Variants in ESRRG observed in about 807,000 individuals in gnomAD.
ESRRG encodes estrogen related receptor gamma, also known as estrogen-related receptor gamma.
Under a neutral mutation model 44.0 loss-of-function variants are expected in ESRRG, and 13 were observed. The observed-to-expected ratio is 0.30, with a 90% CI of 0.19 to 0.47. ESRRG has a LOEUF of 0.47. Ranked by LOEUF, ESRRG falls within the 20% of genes least tolerant of loss-of-function variation. The pLI, the probability that ESRRG is intolerant of heterozygous loss-of-function variation, is 1.00. For missense variants in ESRRG, 395 were observed against 580.6 expected (o/e 0.68, Z 3.29); for synonymous variants, 215 against 214.6 (o/e 1.00, Z -0.02).
intron 3 of ESRRG, among the ~76,000 whole-genome samples, chr1:216,643,670 A>G (rs554349889): frequency 6.6e-6 from 1 of 152,152 alleles, no homozygotes; most frequent in African/African-American, 2.4e-5. Flanking sequence ...GTTATCCCAT[A>G]AAGACTTTTC....
chr1:216,653,791 G>C (rs1449319170), intron 2 of ESRRG, among the ~76,000 whole-genome samples: 1 of 151,988 alleles, frequency 6.6e-6, no homozygotes, highest in African/African-American at 2.4e-5. Flanking sequence ...TAAGACACTA[G>C]AGGACAATGG....
chr1:216,952,678 G>A (rs1218064786), intron 1 of ESRRG, among the ~76,000 whole-genome samples: 1 of 151,980 alleles, frequency 6.6e-6, no homozygotes, highest in Non-Finnish European at 1.5e-5. Flanking sequence ...TAGCAAAATT[G>A]GTTAAAAATA....
intron 3 of ESRRG, among the ~76,000 whole-genome samples, chr1:216,591,135 G>C (rs1358132046): frequency 1.3e-5 from 2 of 152,146 alleles, no homozygotes; most frequent in African/African-American, 4.8e-5. Flanking sequence ...CTGGTCACCA[G>C]AAATACCAAG....
At chr1:216,870,230 A>G (rs1235355657) in intron 2 of ESRRG, among the ~76,000 whole-genome samples, 7 of 150,460 alleles carry the variant, frequency 4.7e-5, no homozygotes, top group Admixed American at 6.6e-5. Context: ...TTCTGCATCA[A>G]TTGACATAAA....
intron 1 of ESRRG, among the ~76,000 whole-genome samples, chr1:217,135,443 G>C (rs1200340431): frequency 2.0e-5 from 3 of 152,162 alleles, no homozygotes; most frequent in Non-Finnish European, 2.9e-5. Flanking sequence ...GAAATCAAAG[G>C]GGGAGGAGGG....
In ESRRG at chr1:217,105,865, G is replaced by A. The variant is rs546917993; in HGVS notation, c.-230+31802C>T. 9.9e-5 allele frequency among the ~76,000 whole-genome samples: 15 copies of A among 152,252 alleles called. No individual in the cohort carries two copies. In the South Asian group the frequency reaches 1.2e-3, roughly 13 times the overall value. ...ACCTTGGAGTCTCCTAGGTGAAAAC[G>A]TTGGAGGCCATGACATAGATGCCAA... On this transcript the variant is annotated intron_variant, in intron 1 of 8. Coordinates refer to the ESRRG transcript ENST00000366940.
At chr1:217,030,024 A>C (rs1052055358) in intron 1 of ESRRG, among the ~76,000 whole-genome samples, 1 of 152,134 alleles carries the variant, frequency 6.6e-6, no homozygotes, top group African/African-American at 2.4e-5. Context: ...GGGTATCCTC[A>C]CTAGCACACT....
chr1:216,782,258 C>G (rs2093961803), intron 2 of ESRRG, among the ~76,000 whole-genome samples: 2 of 151,988 alleles, frequency 1.3e-5, no homozygotes, highest in South Asian at 4.1e-4. Flanking sequence ...GGTCCAGGGA[C>G]AGATTTGCAC....
intron 2 of ESRRG, among the ~76,000 whole-genome samples, chr1:216,881,436 A>G (rs558727689): frequency 6.6e-6 from 1 of 152,086 alleles, no homozygotes; most frequent in Non-Finnish European, 1.5e-5. Flanking sequence ...TGCCACACCA[A>G]CTTCCTCTGG....
At chr1:217,046,077 C>T (rs1056808566) in intron 1 of ESRRG, among the ~76,000 whole-genome samples, 33 of 151,556 alleles carry the variant, frequency 2.2e-4, no homozygotes, top group African/African-American at 8.0e-4. Flanking sequence ...CCGTGCAGCT[C>T]ACTGTGACCC....
chr1:216,908,258 G>C (rs2059907167), intron 2 of ESRRG, among the ~76,000 whole-genome samples: 1 of 152,180 alleles, frequency 6.6e-6, no homozygotes, highest in Admixed American at 6.5e-5. Context: ...GCTTTCCTGA[G>C]GGAAGCTATC....
intron 2 of ESRRG, among the ~76,000 whole-genome samples, chr1:216,931,466 A>G (rs1221829492): frequency 1.3e-5 from 2 of 152,134 alleles, no homozygotes; most frequent in Admixed American, 1.3e-4. Context: ...TGTCTTCCCA[A>G]AGTTTTCCAG....
intron 1 of ESRRG, among the ~76,000 whole-genome samples, chr1:216,942,578 A>C (rs1316604710): frequency 6.6e-6 from 1 of 151,974 alleles, no homozygotes; most frequent in African/African-American, 2.4e-5. Context: ...AACATCTGTT[A>C]TTTTTTCATT....
At chr1:216,755,958 T>C (rs1253660408) in intron 2 of ESRRG, among the ~76,000 whole-genome samples, 8 of 151,984 alleles carry the variant, frequency 5.3e-5, no homozygotes, top group Admixed American at 3.3e-4. Context: ...CCCCTGCACA[T>C]TACAGGGAAT....
At chr1:217,016,131 G>T (rs1248570464) in intron 1 of ESRRG, among the ~76,000 whole-genome samples, 1 of 152,078 alleles carries the variant, frequency 6.6e-6, no homozygotes, top group African/African-American at 2.4e-5. Context: ...GAAAAGAAGC[G>T]AGTGATAGTG....
intron 2 of ESRRG, among the ~76,000 whole-genome samples, chr1:216,832,157 T>C (rs950372004): frequency 6.6e-6 from 1 of 152,240 alleles, no homozygotes; most frequent in Non-Finnish European, 1.5e-5. Flanking sequence ...TCATTGTACA[T>C]TTAATATCAT....
upstream of ESRRG, among the ~76,000 whole-genome samples, chr1:216,728,006 C>T (rs1575822154): frequency 3.9e-5 from 6 of 152,236 alleles, no homozygotes; most frequent in Admixed American, 3.9e-4. Context: ...TAATAATACA[C>T]ATGGTGAAAT....
rs563293571 is a variant in ESRRG, at chr1:217,047,653, G to T, written c.-106+41854C>A. ...TTGCACCTATCCATTTTCACAGCTA[G>T]GCCATGATGATCATTGTTCCAATGG... On this transcript the variant is annotated intron_variant, in intron 1 of 7. Transcript: ENST00000359162. Among the ~76,000 whole-genome samples the T allele has an allele frequency of 4.6e-5, 7 of 152,212 alleles. No individual in the cohort carries two copies. The South Asian group carries it at 1.2e-3, about 27-fold the overall frequency.
At chr1:216,530,109 CAAAAAAAAAA>C (rs34108833) in intron 5 of ESRRG, among the ~76,000 whole-genome samples, 1 of 62,810 alleles carries the variant, frequency 1.6e-5, no homozygotes, top group African/African-American at 6.5e-5. Flanking sequence ...GAGACTCCAT[CAAAAAAAAAA>C]AAAAAAAAAA....
Sources: allele counts gnomAD v4.1 joint callset (sites outside exome capture counted in the v4.1 genomes callset), GRCh38; gene constraint gnomAD v4.1.1; transcripts MANE v1.5; gene names NCBI Gene and HGNC (gene_info 2026-07-23, HGNC 2026-07-21).